CRPPA: variants seen among roughly 807,000 people sequenced by gnomAD.
CRPPA encodes the protein D-ribitol-5-phosphate cytidylyltransferase.
A neutral mutation model predicts 52.0 loss-of-function variants in CRPPA; 43 were observed. The ratio of observed to expected loss-of-function variants is 0.83; its 90% CI spans 0.65 to 1.07. CRPPA has a LOEUF of 1.07. Among genes scored for constraint, CRPPA ranks in the 50% least tolerant of loss-of-function variants. The pLI is 0.00. For missense variants in CRPPA, 629 were observed against 551.7 expected, an observed-to-expected ratio of 1.14 and a Z score of -1.40; for synonymous variants, 250 against 203.5, an observed-to-expected ratio of 1.23 and a Z score of -1.94.
chr7:16,187,694 C>T (rs1212921450), intron 9 of CRPPA, among the ~76,000 whole-genome samples: 1 of 152,084 alleles, frequency 6.6e-6, no homozygotes, highest in Non-Finnish European at 1.5e-5. Context: ...ATGACTGTGA[C>T]TTTGTAGATC....
intron 3 of CRPPA, among the ~76,000 whole-genome samples, chr7:16,330,668 C>T (rs1187551769): frequency 1.3e-5 from 2 of 152,154 alleles, no homozygotes; most frequent in Admixed American, 1.3e-4. Context: ...CCTCCAGGAG[C>T]TTGATCAGGT....
chr7:16,306,467 T>G (rs1304448065), intron 4 of CRPPA, among the ~76,000 whole-genome samples: 2 of 152,124 alleles, frequency 1.3e-5, no homozygotes, highest in Non-Finnish European at 2.9e-5. Flanking sequence ...AAGGAAACAC[T>G]GAAGATGGAA....
At chr7:16,103,125 A>G (rs962377833) in intron 9 of CRPPA, among the ~76,000 whole-genome samples, 9 of 152,228 alleles carry the variant, frequency 5.9e-5, no homozygotes, top group Admixed American at 4.6e-4. Context: ...CTATGCAGCC[A>G]TAAAAAGAAT....
At chr7:16,230,774 T>C (rs137974307) in intron 8 of CRPPA, among the ~76,000 whole-genome samples, 1 of 152,200 alleles carries the variant, frequency 6.6e-6, no homozygotes, top group Non-Finnish European at 1.5e-5. Context: ...TCTTCACAGA[T>C]AGGGATTTGG....
chr7:16,195,913 A>AC (rs71549975), intron 9 of CRPPA, among the ~76,000 whole-genome samples: 1 of 151,978 alleles, frequency 6.6e-6, no homozygotes, highest in Admixed American at 6.6e-5. Context: ...GGCCCTGCCA[A>AC]CCCCCCTTCC....
chr7:16,390,430 C>A lies in CRPPA; in HGVS notation c.535-14189G>T, dbSNP rs1242518673. ...TCAGGCCATTATCGCCACACCACCA[C>A]AAAAATACATTTAACCAAGGTCACC... On this transcript the variant is annotated intron_variant, in intron 2 of 9. Transcript: ENST00000407010. Among the ~76,000 whole-genome samples, 5 of 152,244 alleles carry A rather than the reference C, an allele frequency of 3.3e-5. No individual in the cohort carries two copies. The South Asian group carries it at 1.0e-3, about 32-fold the overall frequency.
chr7:16,258,862 G>T, intron 7 of CRPPA, 58 bp downstream of exon 7: 1 of 1,027,790 alleles, frequency 9.7e-7, no homozygotes. Flanking sequence ...AATCAAATTA[G>T]TTCTCTTCCA....
At chr7:16,337,258 A>C (rs1163099064) in intron 3 of CRPPA, among the ~76,000 whole-genome samples, 1 of 152,180 alleles carries the variant, frequency 6.6e-6, no homozygotes. Flanking sequence ...AAATCTTCTT[A>C]AGTATTTTTT....
intron 2 of CRPPA, among the ~76,000 whole-genome samples, chr7:16,399,937 T>C (rs1215907702): frequency 5.9e-5 from 9 of 152,000 alleles, no homozygotes; most frequent in Non-Finnish European, 1.2e-4. Context: ...TATGTGACCA[T>C]ATGTGACACG....
chr7:16,284,513 A>C (rs1394715183), intron 5 of CRPPA, among the ~76,000 whole-genome samples: 1 of 152,246 alleles, frequency 6.6e-6, no homozygotes, highest in East Asian at 1.9e-4. Context: ...TCAGTTTCTG[A>C]CTTCAAATTA....
chr7:16,329,893 G>A (rs544943939), intron 3 of CRPPA, among the ~76,000 whole-genome samples: 3 of 152,314 alleles, frequency 2.0e-5, no homozygotes, highest in African/African-American at 4.8e-5. Context: ...CTGAAGCCCT[G>A]TGTGATTTTC....
chr7:16,175,216 C>A (rs1372727627), intron 9 of CRPPA, among the ~76,000 whole-genome samples: 2 of 152,098 alleles, frequency 1.3e-5, no homozygotes, highest in Non-Finnish European at 2.9e-5. Context: ...TTAAACTGAT[C>A]AGCTTTAAAC....
chr7:16,287,578 T>C (rs1784476781), intron 5 of CRPPA, among the ~76,000 whole-genome samples: 1 of 152,044 alleles, frequency 6.6e-6, no homozygotes, highest in Admixed American at 6.6e-5. Flanking sequence ...AGGGAGATGA[T>C]TAAACTAAGA....
At chr7:16,399,838 G>A (rs1473647314) in intron 2 of CRPPA, among the ~76,000 whole-genome samples, 1 of 152,040 alleles carries the variant, frequency 6.6e-6, no homozygotes, top group Non-Finnish European at 1.5e-5. Context: ...AGCACGTGTG[G>A]CACATGACAG....
In CRPPA at chr7:16,294,108, A is replaced by G. The variant is rs186842350; in HGVS notation, c.835+7313T>C. Among the ~76,000 whole-genome samples, 264 of 152,062 alleles carry G rather than the reference A, an allele frequency of 1.7e-3. 2 individuals carry two copies. The highest frequency in any genetic ancestry group is 6.1e-3 in the African/African-American group (254 of 41,540). On this transcript the variant is annotated intron_variant, in intron 5 of 9. Coordinates refer to ENST00000407010, the MANE Select transcript of CRPPA (RefSeq NM_001101426.4). ...TACTTTTTTTTTCTTTTCAAAGTATATATTCTCTAAGTTAGTTGAGAGAAA... is the reference window on the plus strand; with the variant it reads ...TACTTTTTTTTTCTTTTCAAAGTATGTATTCTCTAAGTTAGTTGAGAGAAA...
chr7:16,214,062 G>A (rs1042727102), intron 9 of CRPPA, among the ~76,000 whole-genome samples: 4 of 152,096 alleles, frequency 2.6e-5, no homozygotes, highest in Admixed American at 6.6e-5. Context: ...TAATCCATAA[G>A]TCTACATTTA....
chr7:16,298,557 C>T (rs1784720351), intron 5 of CRPPA, among the ~76,000 whole-genome samples: 2 of 152,088 alleles, frequency 1.3e-5, no homozygotes, highest in South Asian at 2.1e-4. Flanking sequence ...AAAGTAAGTG[C>T]CCAATTAATG....
intron 9 of CRPPA, among the ~76,000 whole-genome samples, chr7:16,160,428 C>A (rs13240611): frequency 0.32 from 49,328 of 152,064 alleles, 9,576 homozygotes; most frequent in South Asian, 0.54. Flanking sequence ...ATAGGGAATC[C>A]TTTCCCCATT....
intron 9 of CRPPA, among the ~76,000 whole-genome samples, chr7:16,098,928 T>C (rs1025203740): frequency 5.3e-5 from 8 of 152,230 alleles, no homozygotes; most frequent in Admixed American, 2.0e-4. Context: ...TGATAACAAA[T>C]GCCTCTCAAA....
Sources: allele counts gnomAD v4.1 joint callset (sites outside exome capture counted in the v4.1 genomes callset), GRCh38; gene constraint gnomAD v4.1.1; transcripts MANE v1.5; gene names NCBI Gene and HGNC (gene_info 2026-07-23, HGNC 2026-07-21).